MID1: variants seen among roughly 807,000 people sequenced by gnomAD.
The protein encoded by MID1 is E3 ubiquitin-protein ligase Midline-1.
Under a neutral mutation model 40.4 loss-of-function variants are expected in MID1, and 7 were observed. The observed-to-expected ratio is 0.17, with a 90% CI of 0.10 to 0.33. MID1 has a LOEUF of 0.33. Ranked by LOEUF, MID1 falls within the 10% of genes least tolerant of loss-of-function variation. MID1 has a pLI of 1.00. For missense variants in MID1, 367 were observed against 558.5 expected (o/e 0.66, Z 3.46); for synonymous variants, 229 against 221.2 (o/e 1.04, Z -0.31).
At chrX:10,708,784 C>G (rs1266087972) in intron 1 of MID1, among the ~76,000 whole-genome samples, 1 of 111,890 alleles carries the variant, frequency 8.9e-6, no homozygotes, top group East Asian at 2.8e-4. Flanking sequence ...AGGGTATATC[C>G]TGCTTTAAAC....
intron 5 of MID1, among the ~76,000 whole-genome samples, chrX:10,476,574 A>G (rs1478311958): frequency 3.6e-5 from 4 of 111,874 alleles, no homozygotes; most frequent in African/African-American, 1.3e-4. Context: ...CTATAGTTGT[A>G]TTTCTGGCAG....
intron 1 of MID1, among the ~76,000 whole-genome samples, chrX:10,736,295 A>T (rs867988602): frequency 8.9e-6 from 1 of 112,264 alleles, no homozygotes; most frequent in Non-Finnish European, 1.9e-5. Flanking sequence ...CTATTCTCAC[A>T]CTGAGTTTGA....
chrX:10,656,922 A>T (rs925565836), intron 1 of MID1, among the ~76,000 whole-genome samples: 1 of 111,025 alleles, frequency 9.0e-6, no homozygotes, highest in Non-Finnish European at 1.9e-5. Flanking sequence ...TTCTCTGCTC[A>T]TATTCCCTTA....
chrX:10,724,089 G>GTC (rs1207675627), intron 1 of MID1, among the ~76,000 whole-genome samples: 1 of 111,376 alleles, frequency 9.0e-6, no homozygotes, highest in Non-Finnish European at 1.9e-5. Context: ...TTGAGACAGG[G>GTC]TCTCTCTCTG....
chrX:10,780,952 A>G (rs969038833), intron 1 of MID1, among the ~76,000 whole-genome samples: 1 of 111,763 alleles, frequency 8.9e-6, no homozygotes, highest in African/African-American at 3.3e-5. Context: ...ATCTGACAGG[A>G]GGCAGGGCTC....
intron 1 of MID1, among the ~76,000 whole-genome samples, chrX:10,653,113 C>T (rs1936334493): frequency 8.9e-6 from 1 of 111,957 alleles, no homozygotes; most frequent in South Asian, 3.7e-4. Flanking sequence ...TGCTGGTGCT[C>T]AATAAAGATT....
chrX:10,522,979 ATTTAAT>A (rs1342484617), intron 3 of MID1, 107 bp downstream of exon 3: 1 of 631,458 alleles, frequency 1.6e-6, no homozygotes, highest in Non-Finnish European at 2.5e-6. Context: ...TTTGCAAAAT[ATTTAAT>A]TTTAAGAAAG....
intron 1 of MID1, among the ~76,000 whole-genome samples, chrX:10,696,915 T>TTTGGTGACA (rs1380763514): frequency 8.9e-6 from 1 of 112,026 alleles, no homozygotes; most frequent in Non-Finnish European, 1.9e-5. Context: ...GATCACCTTG[T>TTTGGTGACA]TTGGAACAAA....
At chrX:10,802,060 T>C (rs2044011651) in intron 1 of MID1, among the ~76,000 whole-genome samples, 1 of 110,887 alleles carries the variant, frequency 9.0e-6, no homozygotes, top group Admixed American at 9.6e-5. Flanking sequence ...TGCACGCCTG[T>C]AGTCCCAGCT....
intron 9 of MID1, among the ~76,000 whole-genome samples, chrX:10,451,962 C>T (rs1276842407): frequency 8.9e-6 from 1 of 111,908 alleles, no homozygotes; most frequent in Non-Finnish European, 1.9e-5. Flanking sequence ...CAGTATCTCC[C>T]ACCCCCCAAA....
chrX:10,533,322 AGAAAG>A (rs1223821693), intron 2 of MID1, among the ~76,000 whole-genome samples: 1 of 82,003 alleles, frequency 1.2e-5, no homozygotes, highest in Non-Finnish European at 2.3e-5. Flanking sequence ...AAAGAAAGAA[AGAAAG>A]GAAAGAAAGA....
chrX:10,461,894 A>G (rs1274244581), intron 7 of MID1, among the ~76,000 whole-genome samples: 3 of 112,174 alleles, frequency 2.7e-5, no homozygotes, highest in African/African-American at 6.5e-5. Flanking sequence ...AAATGTTTCA[A>G]TAAACTTTAC....
At chrX:10,601,799 A>G (rs1157596160) in intron 1 of MID1, among the ~76,000 whole-genome samples, 1 of 111,407 alleles carries the variant, frequency 9.0e-6, no homozygotes, top group African/African-American at 3.3e-5. Flanking sequence ...AAGGAGAATG[A>G]CTAATAGCCA....
intron 7 of MID1, chrX:10,469,273 G>A: frequency 2.5e-6 from 2 of 800,046 alleles, no homozygotes; most frequent in Non-Finnish European, 3.1e-6. Context: ...TGTAGAGATG[G>A]GGTTTCACCA....
chrX:10,523,470 G>A (rs930679760), intron 2 of MID1, among the ~76,000 whole-genome samples: 1 of 111,882 alleles, frequency 8.9e-6, no homozygotes, highest in Non-Finnish European at 1.9e-5. Flanking sequence ...TCTAGGTCAC[G>A]ACCTAGGAAG....
chrX:10,699,313 T>C (rs2043180587), intron 1 of MID1, among the ~76,000 whole-genome samples: 1 of 112,404 alleles, frequency 8.9e-6, no homozygotes, highest in Admixed American at 9.4e-5. Context: ...TGCAAATAAA[T>C]GGGACTGATA....
chrX:10,781,039 G>A (rs1428881850), intron 1 of MID1, among the ~76,000 whole-genome samples: 1 of 111,741 alleles, frequency 8.9e-6, no homozygotes, highest in Non-Finnish European at 1.9e-5. Flanking sequence ...GACCAGTACC[G>A]GAGGTTGGGG....
At chrX:10,545,975 T>C (rs1026337920) in intron 2 of MID1, among the ~76,000 whole-genome samples, 1 of 111,712 alleles carries the variant, frequency 9.0e-6, no homozygotes, top group Non-Finnish European at 1.9e-5. Context: ...TAGTTTAGAT[T>C]TTCACTGCTT....
intron 8 of MID1, among the ~76,000 whole-genome samples, chrX:10,457,965 C>A (rs943305129): frequency 1.8e-5 from 2 of 112,703 alleles, no homozygotes; most frequent in Non-Finnish European, 3.7e-5. Flanking sequence ...CAACTTAGAA[C>A]CTCTCATGGT....
Sources: allele counts gnomAD v4.1 joint callset (sites outside exome capture counted in the v4.1 genomes callset), GRCh38; gene constraint gnomAD v4.1.1; transcripts MANE v1.5; gene names NCBI Gene and HGNC (gene_info 2026-07-23, HGNC 2026-07-21).